GTF2E2: variants seen among roughly 807,000 people sequenced by gnomAD.
The protein encoded by GTF2E2 is general transcription factor IIE subunit 2.
GTF2E2 carries 21 observed loss-of-function variants against 40.5 expected under a neutral mutation model. The ratio of observed to expected loss-of-function variants is 0.52; its 90% CI spans 0.37 to 0.75. GTF2E2 has a LOEUF of 0.75. Ranked by LOEUF, GTF2E2 falls within the 30% of genes least tolerant of loss-of-function variation. GTF2E2 has a pLI of 0.00. For missense variants in GTF2E2, 298 were observed against 338.4 expected (o/e 0.88, Z 0.94); for synonymous variants, 117 against 121.6 (o/e 0.96, Z 0.25).
At chr8:30,584,513 G>C (rs1828616950) in intron 6 of GTF2E2, 2 of 152,138 alleles carry the variant, frequency 1.3e-5, no homozygotes, top group African/African-American at 4.8e-5. Context: ...AATAAAATCA[G>C]AACTGATTTA....
chr8:30,630,710 A>C (rs2979495), intron 3 of GTF2E2, among the ~76,000 whole-genome samples: 114,929 of 152,058 alleles, frequency 0.76, 43,854 homozygotes, highest in Middle Eastern at 0.8. Context: ...CAAACAGACA[A>C]GCCAAAAAAA....
intron 5 of GTF2E2, 114 bp downstream of exon 5, chr8:30,612,185 A>AT: frequency 1.5e-6 from 1 of 672,038 alleles, no homozygotes; most frequent in Non-Finnish European, 2.5e-6. Context: ...ACTGTAACCC[A>AT]TGTGTATATA....
intron 3 of GTF2E2, among the ~76,000 whole-genome samples, chr8:30,625,161 T>C (rs1801228931): frequency 6.6e-6 from 1 of 152,114 alleles, no homozygotes; most frequent in Non-Finnish European, 1.5e-5. Flanking sequence ...AAATAGCTCT[T>C]ATTATTTTTA....
chr8:30,592,328 T>C lies in GTF2E2; in HGVS notation c.644-11932A>G, dbSNP rs77922409. Among the ~76,000 whole-genome samples, 90 of 152,282 alleles carry C rather than the reference T, an allele frequency of 5.9e-4. 4 individuals are homozygous for C. In the East Asian group the frequency reaches 0.014, roughly 24 times the overall value. ...CAGGGAGGTCAAGGCTGCAGTGAGC[T>C]GTGATCATGCCACTGCACTCCAGCC... On this transcript the variant is annotated intron_variant, in intron 6 of 7. Coordinates refer to ENST00000355904, the MANE Select transcript of GTF2E2 (RefSeq NM_002095.6).
At position 30,614,604 on chromosome 8, in the gene GTF2E2, T is replaced by A; in HGVS notation, c.366+4A>T. The A allele has an allele frequency of 3.5e-6, 5 of 1,448,846 alleles. No individual in the cohort carries two copies. Among genetic ancestry groups the A allele is most frequent in the Non-Finnish European group, 4.8e-6 (5 of 1,037,168 alleles). 89.7% of individuals were successfully genotyped at this position (1,448,846 alleles called of 1,614,324 possible). On this transcript the variant is annotated splice_donor_region_variant and intron_variant, in intron 4 of 7. Transcript: ENST00000355904. ...TCTCTCTTGATAATCAACTAAATTC[T>A]TACCTCAGTCATTAGCCATTGTTTC...
In GTF2E2 at chr8:30,653,127, A is replaced by G. The variant is rs150190340; in HGVS notation, c.166+306T>C. Among the ~76,000 whole-genome samples, 665 of 152,362 alleles carry G rather than the reference A, an allele frequency of 4.4e-3. 1 individual carries two copies. Among genetic ancestry groups the G allele is most frequent in the Non-Finnish European group, 7.7e-3 (523 of 68,038 alleles). ...GGAAATGTTCTAAAATTGGACTGTA[A>G]TAACAGCTGCAAAATTCTGTAAATT... On this transcript the variant is annotated intron_variant, in intron 2 of 7. Transcript: ENST00000355904.
At chr8:30,597,273 T>G (rs1022173232) in intron 6 of GTF2E2, 4 of 152,218 alleles carry the variant, frequency 2.6e-5, no homozygotes, top group Admixed American at 2.6e-4. Flanking sequence ...TCTTATCTCA[T>G]AGGAGCAAAG....
At chr8:30,650,253 T>A (rs1282456711) in intron 2 of GTF2E2, among the ~76,000 whole-genome samples, 1 of 152,172 alleles carries the variant, frequency 6.6e-6, no homozygotes, top group African/African-American at 2.4e-5. Flanking sequence ...GTAGGATTTA[T>A]TTCAGGAATA....
At chr8:30,621,239 T>C (rs1563492742) in intron 3 of GTF2E2, among the ~76,000 whole-genome samples, 1 of 152,072 alleles carries the variant, frequency 6.6e-6, no homozygotes, top group South Asian at 2.1e-4. Context: ...AATTTAAAAA[T>C]TACTAGCCTT....
intron 1 of GTF2E2, 77 bp from the exon 2 acceptor site, chr8:30,653,679 AAGTT>A: frequency 1.0e-6 from 1 of 989,998 alleles, no homozygotes; most frequent in Non-Finnish European, 1.5e-6. Flanking sequence ...AGATCTCAAC[AAGTT>A]ACTTCCCAAA....
At chr8:30,628,829 G>C (rs774862297) in intron 3 of GTF2E2, among the ~76,000 whole-genome samples, 7 of 151,986 alleles carry the variant, frequency 4.6e-5, no homozygotes, top group Non-Finnish European at 8.8e-5. Flanking sequence ...TACTTAGGAG[G>C]CTGAGGCAGG....
chr8:30,633,854 G>A (rs1299847592), intron 3 of GTF2E2, among the ~76,000 whole-genome samples: 1 of 152,048 alleles, frequency 6.6e-6, no homozygotes, highest in African/African-American at 2.4e-5. Flanking sequence ...ATTTAATAAT[G>A]GGGAGTTATA....
chr8:30,598,055 T>C (rs937777324), intron 6 of GTF2E2, among the ~76,000 whole-genome samples: 1 of 152,232 alleles, frequency 6.6e-6, no homozygotes, highest in East Asian at 1.9e-4. Context: ...TTCTAATTTA[T>C]CAACATGTGA....
intron 3 of GTF2E2, among the ~76,000 whole-genome samples, chr8:30,621,879 AT>A (rs1246030528): frequency 6.6e-6 from 1 of 151,982 alleles, no homozygotes; most frequent in Non-Finnish European, 1.5e-5. Flanking sequence ...AGGTGTGACA[AT>A]TTGGTATCCT....
chr8:30,580,410 ACACTAGTT>A lies in GTF2E2; in HGVS notation c.644-22_644-15del. On this transcript the variant is annotated splice_polypyrimidine_tract_variant and intron_variant, in intron 6 of 7. Transcript: ENST00000355904. ...GTTTCTGAAATTCTGTATCAAACAG[ACACTAGTT>A]ATTTTACAATCCATTTTTACAAACT... 4.6e-6 allele frequency: 6 copies of A among 1,308,188 alleles called. No homozygotes were observed. Among genetic ancestry groups the A allele is most frequent in the Non-Finnish European group, 5.5e-6 (5 of 901,362 alleles). 81.0% of individuals were successfully genotyped at this position (1,308,188 alleles called of 1,614,324 possible). A position where few individuals can be genotyped will look rare whatever the true frequency, so the allele number is the denominator to read the frequency against.
chr8:30,642,575 C>T (rs1241012779), intron 2 of GTF2E2, among the ~76,000 whole-genome samples: 6 of 152,204 alleles, frequency 3.9e-5, no homozygotes, highest in Admixed American at 2.6e-4. Context: ...CACTCTCCTC[C>T]CGATGGATCC....
At chr8:30,632,045 G>A (rs1432152264) in intron 3 of GTF2E2, among the ~76,000 whole-genome samples, 1 of 152,190 alleles carries the variant, frequency 6.6e-6, no homozygotes, top group African/African-American at 2.4e-5. Context: ...AGGAGATCGA[G>A]GCTGCAGTGA....
intron 6 of GTF2E2, among the ~76,000 whole-genome samples, chr8:30,604,360 G>A (rs1829262640): frequency 6.6e-6 from 1 of 152,116 alleles, no homozygotes; most frequent in South Asian, 2.1e-4. Flanking sequence ...CAACAACAAA[G>A]ATCTGAAAAG....
At chr8:30,606,319 T>C (rs1052439075) in intron 6 of GTF2E2, among the ~76,000 whole-genome samples, 6 of 152,174 alleles carry the variant, frequency 3.9e-5, no homozygotes, top group East Asian at 1.9e-4. Flanking sequence ...TGGATATCTA[T>C]AGACAGATAA....
Sources: gnomAD v4.1 joint callset for allele counts (sites outside exome capture counted in the v4.1 genomes callset) on GRCh38, gnomAD v4.1.1 for gene constraint, MANE v1.5 for transcripts, NCBI Gene and HGNC (gene_info 2026-07-23, HGNC 2026-07-21) for gene names.